The following ADAMTSL1 variants were observed in gnomAD, a reference collection of about 807,000 sequenced individuals.
ADAMTSL1 encodes ADAMTS-like protein 1.
A neutral mutation model predicts 201.8 loss-of-function variants in ADAMTSL1; 126 were observed. The observed-to-expected ratio is 0.62, with a 90% CI of 0.54 to 0.72. The LOEUF is 0.72. ADAMTSL1 is among the 30% of genes least tolerant of loss of function. The pLI, the probability that ADAMTSL1 is intolerant of heterozygous loss-of-function variation, is 0.00. For synonymous variants in ADAMTSL1, 1,121 were observed against 903.4 expected (o/e 1.24, Z -4.32); for missense variants, 2,679 against 2,277.8 (o/e 1.18, Z -3.59).
intron 2 of ADAMTSL1, among the ~76,000 whole-genome samples, chr9:18,285,587 T>C (rs1832961420): frequency 1.3e-5 from 2 of 152,086 alleles, no homozygotes; most frequent in East Asian, 3.8e-4. Flanking sequence ...TTTCAAAATT[T>C]TCTTTTTTCT....
intron 2 of ADAMTSL1, among the ~76,000 whole-genome samples, chr9:18,408,425 G>A (rs182758056): frequency 2.6e-5 from 4 of 152,056 alleles, no homozygotes; most frequent in East Asian, 3.9e-4. Context: ...GAGCTGACAC[G>A]GTGCCACTGC....
At chr9:18,369,423 A>G (rs747757692) in intron 2 of ADAMTSL1, among the ~76,000 whole-genome samples, 5 of 152,226 alleles carry the variant, frequency 3.3e-5, no homozygotes, top group African/African-American at 1.2e-4. Context: ...TAAAACCACA[A>G]TGAGCTACCA....
intron 2 of ADAMTSL1, among the ~76,000 whole-genome samples, chr9:18,280,437 C>A (rs979432044): frequency 2.7e-5 from 4 of 149,538 alleles, no homozygotes; most frequent in African/African-American, 4.9e-5. Context: ...TCTTTTTAAT[C>A]CTACTGGAGC....
chr9:18,514,495 AC>A (rs1554693141), intron 2 of ADAMTSL1, among the ~76,000 whole-genome samples: 1 of 151,662 alleles, frequency 6.6e-6, no homozygotes. Flanking sequence ...ATGCCCGGCT[AC>A]TTTTTTTGTA....
chr9:18,634,023 C>G (rs1826946588), intron 5 of ADAMTSL1, among the ~76,000 whole-genome samples: 1 of 152,056 alleles, frequency 6.6e-6, no homozygotes. Context: ...TATCTAGATT[C>G]ATGTCTATAT....
chr9:18,276,497 C>G (rs902824017), intron 2 of ADAMTSL1, among the ~76,000 whole-genome samples: 1 of 152,110 alleles, frequency 6.6e-6, no homozygotes, highest in Non-Finnish European at 1.5e-5. Context: ...TCATATATTT[C>G]AAATTAACAT....
At chr9:18,156,125 A>T (rs1827139984) in intron 1 of ADAMTSL1, among the ~76,000 whole-genome samples, 1 of 151,954 alleles carries the variant, frequency 6.6e-6, no homozygotes. Flanking sequence ...TCAAGAATGA[A>T]CCTGCTGTAG....
chr9:18,806,481 A>G (rs1445072715), intron 20 of ADAMTSL1, among the ~76,000 whole-genome samples: 3 of 152,220 alleles, frequency 2.0e-5, no homozygotes, highest in Non-Finnish European at 4.4e-5. Flanking sequence ...CAGTTTAAAC[A>G]AAGTTTCTAT....
At chr9:18,099,355 A>ATATATAT (rs1239180390) in intron 1 of ADAMTSL1, among the ~76,000 whole-genome samples, 42 of 45,540 alleles carry the variant, frequency 9.2e-4, no homozygotes, top group Non-Finnish European at 1.5e-3. Context: ...ATATATATAT[A>ATATATAT]TTTTTTTTTT....
chr9:18,215,473 T>C (rs1830025476), intron 2 of ADAMTSL1, among the ~76,000 whole-genome samples: 1 of 152,244 alleles, frequency 6.6e-6, no homozygotes, highest in South Asian at 2.1e-4. Context: ...GACTCATCTA[T>C]ACATTACTGG....
intron 1 of ADAMTSL1, among the ~76,000 whole-genome samples, chr9:18,136,736 G>T (rs1826173544): frequency 1.3e-5 from 2 of 152,064 alleles, no homozygotes; most frequent in Non-Finnish European, 2.9e-5. Flanking sequence ...CAGATATTTG[G>T]GCAGCAGCTG....
chr9:18,018,317 GA>G (rs1246792248), intron 1 of ADAMTSL1, among the ~76,000 whole-genome samples: 1 of 152,062 alleles, frequency 6.6e-6, no homozygotes, highest in African/African-American at 2.4e-5. Flanking sequence ...CAGACTCTGA[GA>G]CAGTGTAGCA....
intron 4 of ADAMTSL1, among the ~76,000 whole-genome samples, chr9:18,595,303 G>A (rs1339184087): frequency 6.6e-6 from 1 of 152,156 alleles, no homozygotes; most frequent in Admixed American, 6.5e-5. Context: ...GTGAGAAGGA[G>A]GCTGGTGGTC....
chr9:18,840,562 A>G (rs1373247819), intron 23 of ADAMTSL1, among the ~76,000 whole-genome samples: 1 of 152,122 alleles, frequency 6.6e-6, no homozygotes, highest in Non-Finnish European at 1.5e-5. Context: ...GTTTTTTCCA[A>G]TTCTGTGAAG....
In ADAMTSL1 at chr9:18,592,454, C is replaced by A. The variant is rs138143908; in HGVS notation, c.474+18188C>A. On this transcript the variant is annotated intron_variant, in intron 4 of 28. Transcript: ENST00000380548. ...ATGCTGAATGTCCACAGATTGGTTG[C>A]CATTGAGTTATTTTGCAACTTCTCA... is the stretch of plus-strand genomic sequence containing the variant. 7.9e-3 allele frequency among the ~76,000 whole-genome samples: 1,206 copies of A among 152,224 alleles called. 20 individuals carry two copies. Among genetic ancestry groups the A allele is most frequent in the African/African-American group, 0.028 (1,160 of 41,530 alleles).
At chr9:17,975,642 TG>T (rs1197306955) in intron 1 of ADAMTSL1, among the ~76,000 whole-genome samples, 2 of 152,180 alleles carry the variant, frequency 1.3e-5, no homozygotes, top group Admixed American at 6.6e-5. Context: ...GGTTTGCAAA[TG>T]TTTTTTGCCA....
chr9:17,986,121 T>G (rs1187335527), intron 1 of ADAMTSL1, among the ~76,000 whole-genome samples: 1 of 152,128 alleles, frequency 6.6e-6, no homozygotes, highest in Non-Finnish European at 1.5e-5. Context: ...GATTTAATTG[T>G]CCTTGGATAT....
intron 23 of ADAMTSL1, among the ~76,000 whole-genome samples, chr9:18,850,384 A>G (rs139533364): frequency 2.0e-5 from 3 of 152,092 alleles, no homozygotes; most frequent in Non-Finnish European, 4.4e-5. Flanking sequence ...GAGAATATCT[A>G]CTCTTGCTCT....
intron 2 of ADAMTSL1, among the ~76,000 whole-genome samples, chr9:18,420,795 C>G (rs1333880652): frequency 6.6e-6 from 1 of 152,086 alleles, no homozygotes; most frequent in East Asian, 1.9e-4. Context: ...CCTTAAGGTG[C>G]TTAAAATTAA....
Sources: gnomAD v4.1 joint callset for allele counts (sites outside exome capture counted in the v4.1 genomes callset) on GRCh38, gnomAD v4.1.1 for gene constraint, MANE v1.5 for transcripts, NCBI Gene and HGNC (gene_info 2026-07-23, HGNC 2026-07-21) for gene names.